DNAH3: variants seen among roughly 807,000 people sequenced by gnomAD.
DNAH3 encodes the protein dynein axonemal heavy chain 3.
In DNAH3, 332 loss-of-function variants were observed where a neutral mutation model predicts 432.5. The observed-to-expected ratio is 0.77, with a 90% CI of 0.70 to 0.84. The LOEUF (loss-of-function observed/expected upper bound fraction) is 0.84. DNAH3 is among the 40% of genes least tolerant of loss of function. DNAH3 has a pLI of 0.00. For missense variants in DNAH3, 4,861 were observed against 5,114.0 expected, an observed-to-expected ratio of 0.95 and a Z score of 1.51; for synonymous variants, 1,956 against 1,900.2, an observed-to-expected ratio of 1.03 and a Z score of -0.76.
intron 30 of DNAH3, 30 bp downstream of exon 30, chr16:21,049,880 A>C (rs767315370): frequency 1.3e-6 from 2 of 1,567,546 alleles, no homozygotes; most frequent in Admixed American, 1.7e-5. Flanking sequence ...GGCCTGGAAG[A>C]GAGGGAGGGG....
At chr16:21,034,160 T>C (rs1164725614) in intron 35 of DNAH3, 75 bp from the exon 36 acceptor site, 22 of 935,498 alleles carry the variant, frequency 2.4e-5, no homozygotes, top group Non-Finnish European at 3.7e-5. Context: ...CAGAAGTCAA[T>C]GAGGAATGAG....
rs763185650 is a variant in DNAH3, at chr16:21,039,957, A to G, written c.4639-14T>C. The G allele has an allele frequency of 1.2e-5, 19 of 1,603,826 alleles. No individual in the cohort carries two copies. In the Admixed American group the frequency reaches 2.7e-4, roughly 23 times the overall value. On this transcript the variant is annotated splice_polypyrimidine_tract_variant and intron_variant, in intron 32 of 61. Transcript: ENST00000261383. Reference sequence around the variant, plus strand: ...CCGGAACAAGGCCTGGAAAAGAAACAACAAATCAGAATCGGAACACGTGCA... The same window carrying G: ...CCGGAACAAGGCCTGGAAAAGAAACGACAAATCAGAATCGGAACACGTGCA...
intron 48 of DNAH3, among the ~76,000 whole-genome samples, chr16:20,984,193 G>A (rs1330669949): frequency 6.6e-6 from 1 of 150,380 alleles, no homozygotes; most frequent in East Asian, 1.9e-4. Flanking sequence ...ATGTGTGCAC[G>A]TGTGCGCATG....
exon 53 of DNAH3, chr16:20,963,830 G>A (rs541630136): frequency 9.3e-6 from 15 of 1,614,058 alleles, no homozygotes; most frequent in Middle Eastern, 3.3e-4. Flanking sequence ...AGGGTGAAAT[G>A]GTCAATGATG....
chr16:21,072,206 G>T (rs2090810032), intron 21 of DNAH3, among the ~76,000 whole-genome samples: 1 of 149,608 alleles, frequency 6.7e-6, no homozygotes. Context: ...AAGAAAGTTT[G>T]GGGACCTTTG....
chr16:20,986,566 G>C (rs74672159), intron 47 of DNAH3, among the ~76,000 whole-genome samples: 3,812 of 152,188 alleles, frequency 0.025, 178 homozygotes, highest in African/African-American at 0.087. Flanking sequence ...GCTTTAATCA[G>C]TCTATTTGCC....
intron 6 of DNAH3, 25 bp downstream of exon 7, chr16:21,136,299 C>A (rs1312755544): frequency 6.2e-7 from 1 of 1,609,202 alleles, no homozygotes. Context: ...AGCTCCCCAG[C>A]CCCCTTTATG....
At chr16:20,987,643 T>C (rs984389608) in intron 46 of DNAH3, 50 bp downstream of exon 46, 4 of 1,601,968 alleles carry the variant, frequency 2.5e-6, no homozygotes, top group Non-Finnish European at 2.6e-6. Flanking sequence ...ATGTTCTATG[T>C]AGCCAAGGAT....
At chr16:21,017,180 A>T (rs2087902640) in intron 41 of DNAH3, among the ~76,000 whole-genome samples, 1 of 152,208 alleles carries the variant, frequency 6.6e-6, no homozygotes, top group South Asian at 2.1e-4. Flanking sequence ...GCATTTTACT[A>T]TGACAATAAA....
At chr16:20,984,958 G>T in intron 48 of DNAH3, 91 bp downstream of exon 48, 1 of 1,124,484 alleles carries the variant, frequency 8.9e-7, no homozygotes, top group Non-Finnish European at 1.3e-6. Context: ...TCAACCCTGG[G>T]ACCATTGTAA....
intron 52 of DNAH3, 82 bp downstream of exon 52, chr16:20,969,710 G>A (rs574249233): frequency 2.0e-5 from 29 of 1,486,304 alleles, no homozygotes; most frequent in South Asian, 1.9e-4. Context: ...GCCTGCAGTC[G>A]ACTTGGGGAT....
At position 21,069,878 on chromosome 16, in the gene DNAH3, T is replaced by C. The variant is rs185742037; in HGVS notation, c.3202-284A>G. Among the ~76,000 whole-genome samples the C allele has an allele frequency of 2.1e-3, 320 of 152,286 alleles. 3 individuals are homozygous for C. Among genetic ancestry groups the C allele is most frequent in the African/African-American group, 6.9e-3 (286 of 41,556 alleles). ...AATCTGTGAGAAGTGATGGTCTGAG[T>C]GCTTTAAGTATATGGAACCAATTAA... On this transcript the variant is annotated intron_variant, in intron 22 of 61. Transcript: ENST00000261383.
chr16:21,060,339 C>A (rs928992559), exon 26 of DNAH3: 2 of 1,613,906 alleles, frequency 1.2e-6, no homozygotes, highest in Non-Finnish European at 1.7e-6. Flanking sequence ...CCTGCTGGAG[C>A]CACTTTTCCA....
chr16:21,085,255 AT>A (rs1021004210), intron 19 of DNAH3, among the ~76,000 whole-genome samples: 1 of 152,090 alleles, frequency 6.6e-6, no homozygotes, highest in Non-Finnish European at 1.5e-5. Flanking sequence ...CAATTAAAAA[AT>A]ATCCCAGCCA....
rs748019631 is a variant in DNAH3, at chr16:21,062,682, A to G, written c.3520T>C (p.Phe1174Leu). ...AGCTCATCGTTTGATAGGAAGAAGA[A>G]TCTATTTCAAAGCAAAGAAAGATGG... is the stretch of plus-strand genomic sequence containing the variant. The change falls in exon 25 of 62, where the codon TTC becomes CTC. Residue 1174 changes from phenylalanine (F) to leucine (L), a missense_variant and splice_region_variant. Transcript: ENST00000261383. 14 of 1,610,250 alleles carry G rather than the reference A, an allele frequency of 8.7e-6. No homozygotes were observed. The South Asian group carries it at 1.4e-4, about 16-fold the overall frequency.
intron 1 of DNAH3, among the ~76,000 whole-genome samples, chr16:21,153,089 T>C (rs2092873805): frequency 6.6e-6 from 1 of 152,190 alleles, no homozygotes; most frequent in African/African-American, 2.4e-5. Flanking sequence ...GGAGAACCTT[T>C]ATGGCTAGCT....
rs747580027 is a variant in DNAH3, at chr16:21,117,294, G to A, written c.1723C>T (p.Leu575Phe). 5 of 1,611,326 alleles carry A rather than the reference G, an allele frequency of 3.1e-6. No homozygotes were observed. The Admixed American group carries it at 5.1e-5, about 16-fold the overall frequency. Residue 575 changes from leucine (L) to phenylalanine (F), a missense_variant, in exon 12 of 62, where the codon CTT becomes TTT. Physicochemically the swap from Leu to Phe is conservative, Grantham distance 22 (BLOSUM62 0). Coordinates refer to ENST00000261383, the Ensembl canonical transcript of DNAH3. The stretch of plus-strand genomic sequence containing the variant: ...TTTTCTTCTGCGTTAACAGTTCCAA[G>A]GAGCAGATTATATCCTTTCAGCTCT...
At chr16:21,152,825 G>A (rs916645475) in intron 1 of DNAH3, among the ~76,000 whole-genome samples, 1 of 152,378 alleles carries the variant, frequency 6.6e-6, no homozygotes, top group East Asian at 1.9e-4. Context: ...GGCCTTAGCT[G>A]CCTTCCCGCG....
chr16:20,942,984 G>A (rs1334763340), intron 58 of DNAH3, among the ~76,000 whole-genome samples: 4 of 151,952 alleles, frequency 2.6e-5, no homozygotes, highest in Non-Finnish European at 4.4e-5. Flanking sequence ...TCACAGCCTC[G>A]TGATCACAGC....
Sources: gnomAD v4.1 joint callset for allele counts (sites outside exome capture counted in the v4.1 genomes callset) on GRCh38, gnomAD v4.1.1 for gene constraint, MANE v1.5 for transcripts, NCBI Gene and HGNC (gene_info 2026-07-23, HGNC 2026-07-21) for gene names.